TSPAN5: variants seen among roughly 807,000 people sequenced by gnomAD.
TSPAN5 encodes the protein tetraspanin 5.
Under a neutral mutation model 37.1 loss-of-function variants are expected in TSPAN5, and 10 were observed. The observed-to-expected ratio is 0.27, with a 90% CI of 0.17 to 0.46. The LOEUF (loss-of-function observed/expected upper bound fraction) is 0.46. TSPAN5 is among the 20% of genes least tolerant of loss of function. The probability of loss-of-function intolerance (pLI) is 1.00; values close to 1 mark genes in which losing one functional copy is unlikely to be tolerated. For synonymous variants in TSPAN5, 110 were observed against 118.9 expected (o/e 0.93, Z 0.48); for missense variants, 195 against 326.6 (o/e 0.60, Z 3.11).
At chr4:98,607,960 C>T (rs913398084) in intron 1 of TSPAN5, among the ~76,000 whole-genome samples, 5 of 152,156 alleles carry the variant, frequency 3.3e-5, no homozygotes, top group African/African-American at 1.2e-4. Context: ...ATCCGCCTGC[C>T]TCGGGCTCCC....
At chr4:98,563,499 C>T (rs1372633992) in intron 1 of TSPAN5, among the ~76,000 whole-genome samples, 1 of 152,138 alleles carries the variant, frequency 6.6e-6, no homozygotes, top group African/African-American at 2.4e-5. Context: ...TTGGCTCATA[C>T]ATTTGAGGCC....
At chr4:98,616,406 T>C (rs973650496) in intron 1 of TSPAN5, among the ~76,000 whole-genome samples, 4 of 152,046 alleles carry the variant, frequency 2.6e-5, no homozygotes, top group Non-Finnish European at 5.9e-5. Context: ...CTTAGAAATA[T>C]GGGTGACGGC....
chr4:98,529,337 G>A (rs1474463027), intron 1 of TSPAN5, among the ~76,000 whole-genome samples: 1 of 152,244 alleles, frequency 6.6e-6, no homozygotes, highest in Non-Finnish European at 1.5e-5. Context: ...AGCTGGAAGG[G>A]TGTAGCAAGC....
intron 3 of TSPAN5, chr4:98,486,503 T>C: frequency 2.0e-6 from 1 of 502,938 alleles, no homozygotes; most frequent in East Asian, 3.5e-5. Context: ...GTGATATATA[T>C]GCACAAAACC....
At chr4:98,642,614 G>A (rs1254254169) in intron 1 of TSPAN5, among the ~76,000 whole-genome samples, 1 of 151,924 alleles carries the variant, frequency 6.6e-6, no homozygotes, top group Non-Finnish European at 1.5e-5. Context: ...TCCAAAGAGA[G>A]CACATATCTA....
chr4:98,638,383 G>A (rs1280605996), intron 1 of TSPAN5, among the ~76,000 whole-genome samples: 1 of 152,168 alleles, frequency 6.6e-6, no homozygotes, highest in African/African-American at 2.4e-5. Context: ...GAGCTGAGAT[G>A]CTCTGAGGAG....
chr4:98,654,208 A>T (rs1757253996), intron 1 of TSPAN5, among the ~76,000 whole-genome samples: 1 of 152,266 alleles, frequency 6.6e-6, no homozygotes, highest in Non-Finnish European at 1.5e-5. Flanking sequence ...AGAACTGTCC[A>T]GATGAGCCTG....
chr4:98,557,478 T>C (rs1754777701), intron 1 of TSPAN5, among the ~76,000 whole-genome samples: 3 of 152,248 alleles, frequency 2.0e-5, no homozygotes, highest in Non-Finnish European at 2.9e-5. Flanking sequence ...CAGACCACAT[T>C]TGTAAGTATT....
At chr4:98,560,311 C>T (rs951137358) in intron 1 of TSPAN5, 5 of 152,300 alleles carry the variant, frequency 3.3e-5, no homozygotes, top group Non-Finnish European at 5.9e-5. Context: ...ATGTTTTCCC[C>T]ATAATCTGTA....
At chr4:98,539,365 G>A (rs767753255) in intron 1 of TSPAN5, among the ~76,000 whole-genome samples, 1 of 152,128 alleles carries the variant, frequency 6.6e-6, no homozygotes, top group Non-Finnish European at 1.5e-5. Context: ...TCTTTTCTCA[G>A]AGGCAGCAGG....
At chr4:98,600,586 G>A (rs1755861320) in intron 1 of TSPAN5, among the ~76,000 whole-genome samples, 2 of 152,166 alleles carry the variant, frequency 1.3e-5, no homozygotes. Flanking sequence ...ATCCATTCAA[G>A]TTTTATCATG....
At chr4:98,492,962 G>A (rs915064492) in intron 2 of TSPAN5, among the ~76,000 whole-genome samples, 47 of 152,168 alleles carry the variant, frequency 3.1e-4, no homozygotes, top group African/African-American at 1.1e-3. Flanking sequence ...GGGATTGCCT[G>A]AAGCCAGAAG....
intron 1 of TSPAN5, among the ~76,000 whole-genome samples, chr4:98,611,054 A>G (rs190761682): frequency 1.8e-3 from 273 of 152,324 alleles, no homozygotes; most frequent in Middle Eastern, 3.4e-3. Context: ...TGGCTAAGAC[A>G]TGGTGACAAA....
chr4:98,607,156 C>T (rs846013), intron 1 of TSPAN5, among the ~76,000 whole-genome samples: 96,008 of 152,058 alleles, frequency 0.63, 30,402 homozygotes, highest in East Asian at 0.73. Context: ...TGTCACCCTC[C>T]TCATTTTCCC....
intron 2 of TSPAN5, among the ~76,000 whole-genome samples, chr4:98,487,662 T>C (rs1419400055): frequency 6.6e-6 from 1 of 152,154 alleles, no homozygotes; most frequent in Non-Finnish European, 1.5e-5. Flanking sequence ...TGTGGTTTGC[T>C]CTGGTGGCTG....
At chr4:98,635,696 C>T (rs1756842313) in intron 1 of TSPAN5, among the ~76,000 whole-genome samples, 1 of 152,206 alleles carries the variant, frequency 6.6e-6, no homozygotes, top group Admixed American at 6.5e-5. Flanking sequence ...GCCATTCAAA[C>T]TGAAAAAGCA....
chr4:98,588,162 G>A (rs188729066), intron 1 of TSPAN5, among the ~76,000 whole-genome samples: 3 of 151,918 alleles, frequency 2.0e-5, no homozygotes, highest in Non-Finnish European at 2.9e-5. Context: ...GTTGTGTCTC[G>A]GAAAGTTAAA....
At chr4:98,482,329 G>C in intron 3 of TSPAN5, 154 bp from the exon 4 acceptor site, 1 of 626,872 alleles carries the variant, frequency 1.6e-6, no homozygotes, top group Non-Finnish European at 2.6e-6. Context: ...TTCATTAATA[G>C]AATATTACAC....
intron 1 of TSPAN5, among the ~76,000 whole-genome samples, chr4:98,558,452 T>C (rs1379490783): frequency 6.6e-6 from 1 of 152,174 alleles, no homozygotes; most frequent in East Asian, 1.9e-4. Context: ...CAAAAAGTTT[T>C]TAAAGTTGCA....
Sources: allele counts gnomAD v4.1 joint callset (sites outside exome capture counted in the v4.1 genomes callset), GRCh38; gene constraint gnomAD v4.1.1; transcripts MANE v1.5; gene names NCBI Gene and HGNC (gene_info 2026-07-23, HGNC 2026-07-21).